PTPRD: variants seen among roughly 807,000 people sequenced by gnomAD.
The protein encoded by PTPRD is receptor-type tyrosine-protein phosphatase delta.
In PTPRD, 34 loss-of-function variants were observed where a neutral mutation model predicts 214.5. The ratio of observed to expected loss-of-function variants is 0.16; its 90% CI spans 0.12 to 0.21. PTPRD has a LOEUF of 0.21. PTPRD is among the 10% of genes least tolerant of loss of function. The probability of loss-of-function intolerance (pLI) is 1.00; values close to 1 mark genes in which losing one functional copy is unlikely to be tolerated. For missense variants in PTPRD, 2,545 were observed against 2,398.7 expected (o/e 1.06, Z -1.27); for synonymous variants, 1,128 against 845.7 (o/e 1.33, Z -5.79).
intron 2 of PTPRD, among the ~76,000 whole-genome samples, chr9:10,505,887 T>A (rs1053208191): frequency 6.6e-6 from 1 of 152,096 alleles, no homozygotes; most frequent in African/African-American, 2.4e-5. Flanking sequence ...TAATTAGATA[T>A]ATCAATACAT....
chr9:9,793,262 A>G (rs1356577493), intron 5 of PTPRD, among the ~76,000 whole-genome samples: 1 of 152,150 alleles, frequency 6.6e-6, no homozygotes, highest in Non-Finnish European at 1.5e-5. Context: ...TTTACTATGA[A>G]TAAAATGGAT....
chr9:8,404,706 C>T (rs778142410), intron 35 of PTPRD, 46 bp from the exon 36 acceptor site: 27 of 1,566,502 alleles, frequency 1.7e-5, no homozygotes, highest in Non-Finnish European at 2.4e-5. Context: ...ATACTGAAAA[C>T]CACCAGATTA....
chr9:9,770,677 G>A (rs2098744961), intron 5 of PTPRD, among the ~76,000 whole-genome samples: 1 of 151,972 alleles, frequency 6.6e-6, no homozygotes, highest in Non-Finnish European at 1.5e-5. Flanking sequence ...TAGTGATGCT[G>A]ACAACATAAA....
At chr9:8,792,878 A>C (rs2096281632) in intron 11 of PTPRD, among the ~76,000 whole-genome samples, 1 of 151,910 alleles carries the variant, frequency 6.6e-6, no homozygotes, top group African/African-American at 2.4e-5. Context: ...AAGTAATATG[A>C]TTCCTTAATC....
intron 5 of PTPRD, among the ~76,000 whole-genome samples, chr9:9,885,902 G>C (rs1006822500): frequency 6.6e-6 from 1 of 151,658 alleles, no homozygotes; most frequent in Admixed American, 6.6e-5. Context: ...GGGCCTATCT[G>C]CCTATCTGAA....
chr9:9,214,321 C>T (rs981143738), intron 9 of PTPRD, among the ~76,000 whole-genome samples: 1 of 152,182 alleles, frequency 6.6e-6, no homozygotes, highest in Non-Finnish European at 1.5e-5. Flanking sequence ...CTTCTAATAG[C>T]AAATGCAAAA....
chr9:10,064,718 G>A (rs2097845195), intron 3 of PTPRD, among the ~76,000 whole-genome samples: 1 of 151,908 alleles, frequency 6.6e-6, no homozygotes, highest in African/African-American at 2.4e-5. Flanking sequence ...CCCCCAACCT[G>A]AGGGACAGAA....
chr9:9,606,797 A>G (rs2094184023), intron 7 of PTPRD, among the ~76,000 whole-genome samples: 1 of 151,646 alleles, frequency 6.6e-6, no homozygotes, highest in South Asian at 2.1e-4. Flanking sequence ...TACATTTCTT[A>G]GCACCTAAGA....
Position 9,128,531 on chromosome 9 carries a change from C to A in PTPRD, c.-143+54773G>T, listed in dbSNP as rs10123448. Among the ~76,000 whole-genome samples the A allele has an allele frequency of 4.5e-3, 684 of 152,234 alleles. 7 individuals carry two copies. The highest frequency in any genetic ancestry group is 0.016 in the African/African-American group (651 of 41,542). On this transcript the variant is annotated intron_variant, in intron 10 of 45. Transcript: ENST00000381196. ...TATTTTGTGGCTAAATGATACAAGG[C>A]TAACATGACCAGGAAGTTAGCTAGC...
chr9:8,593,252 G>A (rs1186390865), intron 14 of PTPRD, among the ~76,000 whole-genome samples: 2 of 152,166 alleles, frequency 1.3e-5, no homozygotes, highest in Admixed American at 1.3e-4. Context: ...ATTTTGCTAA[G>A]GATGGTTAAG....
At chr9:10,143,118 C>G (rs2098998145) in intron 3 of PTPRD, among the ~76,000 whole-genome samples, 1 of 151,780 alleles carries the variant, frequency 6.6e-6, no homozygotes, top group African/African-American at 2.4e-5. Context: ...ACTCTGGGGA[C>G]TGTTGTGAGG....
At position 9,424,904 on chromosome 9, in the gene PTPRD, A is replaced by G. The variant is rs190263475; in HGVS notation, c.-236-27422T>C. ...GTCACCAACAATTTCTTCATCCTGT[A>G]TACCTATATCAATGCACCAATCAAG... On this transcript the variant is annotated intron_variant, in intron 8 of 45. Transcript: ENST00000381196. Among the ~76,000 whole-genome samples, 120 of 152,338 alleles carry G rather than the reference A, an allele frequency of 7.9e-4. 1 individual carries two copies. The highest frequency in any genetic ancestry group is 2.7e-3 in the African/African-American group (113 of 41,580).
At chr9:8,710,584 C>G (rs1233477140) in intron 12 of PTPRD, among the ~76,000 whole-genome samples, 1 of 151,758 alleles carries the variant, frequency 6.6e-6, no homozygotes, top group East Asian at 1.9e-4. Context: ...CCACTGCACT[C>G]CAGTCTGGGT....
chr9:10,600,757 C>G (rs1298715103), intron 2 of PTPRD, among the ~76,000 whole-genome samples: 1 of 151,564 alleles, frequency 6.6e-6, no homozygotes, highest in Admixed American at 6.6e-5. Flanking sequence ...AAACAGAGGT[C>G]CCTCAAAAGT....
chr9:10,147,720 A>G (rs1056282023), intron 3 of PTPRD, among the ~76,000 whole-genome samples: 6 of 152,086 alleles, frequency 3.9e-5, no homozygotes, highest in Non-Finnish European at 7.3e-5. Context: ...TCTCTACTAA[A>G]AATAGAAAAA....
At chr9:9,361,308 A>G (rs2056066721) in intron 9 of PTPRD, among the ~76,000 whole-genome samples, 1 of 151,110 alleles carries the variant, frequency 6.6e-6, no homozygotes, top group African/African-American at 2.4e-5. Context: ...AAAAATATCA[A>G]TTCAGTCATG....
At chr9:9,048,411 A>G (rs2099677709) in intron 10 of PTPRD, among the ~76,000 whole-genome samples, 1 of 152,338 alleles carries the variant, frequency 6.6e-6, no homozygotes, top group South Asian at 2.1e-4. Flanking sequence ...CTAAGTGTCC[A>G]TCACCAGATG....
intron 9 of PTPRD, among the ~76,000 whole-genome samples, chr9:9,232,563 T>C: frequency 6.6e-6 from 1 of 152,250 alleles, no homozygotes; most frequent in Non-Finnish European, 1.5e-5. Context: ...CTGGAAGTAA[T>C]AAAAATACCA....
At chr9:9,440,304 T>G (rs2087032269) in intron 8 of PTPRD, among the ~76,000 whole-genome samples, 1 of 152,226 alleles carries the variant, frequency 6.6e-6, no homozygotes, top group African/African-American at 2.4e-5. Context: ...TAAATTATTT[T>G]TCCTTTGGTT....
Sources: gnomAD v4.1 joint callset for allele counts (sites outside exome capture counted in the v4.1 genomes callset) on GRCh38, gnomAD v4.1.1 for gene constraint, MANE v1.5 for transcripts, NCBI Gene and HGNC (gene_info 2026-07-23, HGNC 2026-07-21) for gene names.